CRB1: variants seen among roughly 807,000 people sequenced by gnomAD.
CRB1 encodes the protein protein crumbs homolog 1.
In CRB1, 83 loss-of-function variants were observed where a neutral mutation model predicts 120.0. That is an observed-to-expected ratio of 0.69 (90% CI 0.58 to 0.83). The LOEUF (loss-of-function observed/expected upper bound fraction) is 0.83, where lower values mean the gene tolerates loss of function less well. CRB1 is among the 40% of genes least tolerant of loss of function. The probability of loss-of-function intolerance (pLI) is 0.00; values close to 1 mark genes in which losing one functional copy is unlikely to be tolerated. For missense variants in CRB1, 1,699 were observed against 1,687.6 expected, an observed-to-expected ratio of 1.01 and a Z score of -0.12; for synonymous variants, 625 against 612.5, an observed-to-expected ratio of 1.02 and a Z score of -0.30.
intron 11 of CRB1, among the ~76,000 whole-genome samples, chr1:197,451,745 G>C (rs984324753): frequency 5.3e-5 from 8 of 152,152 alleles, no homozygotes; most frequent in African/African-American, 1.4e-4. Flanking sequence ...AATAGCAAGA[G>C]AGCAATTGGG....
At chr1:197,436,103 A>G (rs1665147326) in intron 9 of CRB1, among the ~76,000 whole-genome samples, 1 of 152,112 alleles carries the variant, frequency 6.6e-6, no homozygotes, top group Non-Finnish European at 1.5e-5. Flanking sequence ...TGTGCAGTTG[A>G]AAATCCACAT....
the CRB1 span, among the ~76,000 whole-genome samples, chr1:197,220,490 A>T: frequency 6.6e-6 from 1 of 152,246 alleles, no homozygotes; most frequent in African/African-American, 2.4e-5. Context: ...ATCCAAGGAG[A>T]TGGGAGCAGG....
At chr1:197,248,250 A>T in the CRB1 span, among the ~76,000 whole-genome samples, 1 of 152,032 alleles carries the variant, frequency 6.6e-6, no homozygotes, top group African/African-American at 2.4e-5. Flanking sequence ...ATTTACTGCT[A>T]ATTTGTTGTA....
chr1:197,472,450 A>C (rs1667023248), intron 11 of CRB1, among the ~76,000 whole-genome samples: 1 of 152,130 alleles, frequency 6.6e-6, no homozygotes, highest in South Asian at 2.1e-4. Context: ...CCCTCACTTT[A>C]AGTCAAAGCT....
At chr1:197,415,636 C>CTT (rs1314094285) in intron 5 of CRB1, among the ~76,000 whole-genome samples, 2 of 101,322 alleles carry the variant, frequency 2.0e-5, no homozygotes, top group Non-Finnish European at 1.9e-5. Flanking sequence ...TTTCTTTTTT[C>CTT]TTTTCTTTTT....
chr1:197,355,663 G>A (rs1421906174), intron 4 of CRB1, among the ~76,000 whole-genome samples: 2 of 152,176 alleles, frequency 1.3e-5, no homozygotes, highest in Non-Finnish European at 2.9e-5. Flanking sequence ...AATGCCGTGG[G>A]CAGCGGCGCC....
the CRB1 span, among the ~76,000 whole-genome samples, chr1:197,254,118 A>G: frequency 6.6e-6 from 1 of 152,032 alleles, no homozygotes; most frequent in African/African-American, 2.4e-5. Flanking sequence ...ACATTTATTT[A>G]TAGATATAAG....
chr1:197,428,835 TA>T (rs1664728023), intron 7 of CRB1: 1 of 821,934 alleles, frequency 1.2e-6, no homozygotes, highest in Non-Finnish European at 1.8e-6. Context: ...GTAACTAGCC[TA>T]AATCATATGT....
intron 11 of CRB1, among the ~76,000 whole-genome samples, chr1:197,445,967 A>G (rs922874161): frequency 1.6e-4 from 24 of 152,148 alleles, no homozygotes; most frequent in African/African-American, 5.8e-4. Flanking sequence ...AGGTGGGTGG[A>G]TGACCTGCAG....
Position 197,400,304 on chromosome 1 carries a change from CTT to C in CRB1, c.1172-20676_1172-20675del, listed in dbSNP as rs200472313. Among the ~76,000 whole-genome samples, 1,196 of 127,000 alleles carry C rather than the reference CTT, an allele frequency of 9.4e-3. 18 individuals carry two copies. Among genetic ancestry groups the C allele is most frequent in the African/African-American group, 0.026 (882 of 33,788 alleles). 83.3% of individuals were successfully genotyped at this position (127,000 alleles called of 152,430 possible). On this transcript the variant is annotated intron_variant, in intron 5 of 11. Transcript: ENST00000367400. ...GGGTCAGAGATTTTGAATGTAAGAG[CTT>C]TTTTTTTTTTTTTTTTTTTAAAACA...
chr1:197,297,918 C>T (rs1656630329), intron 1 of CRB1, among the ~76,000 whole-genome samples: 1 of 151,908 alleles, frequency 6.6e-6, no homozygotes, highest in East Asian at 1.9e-4. Context: ...TACTGGGGAC[C>T]CTGGCCAGTA....
Position 197,342,807 on chromosome 1 carries a change from C to T in CRB1, c.653-1474C>T, listed in dbSNP as rs925409478. Among the ~76,000 whole-genome samples the T allele has an allele frequency of 5.3e-5, 8 of 152,178 alleles. 1 individual carries two copies. Among genetic ancestry groups the T allele is most frequent in the African/African-American group, 1.9e-4 (8 of 41,440 alleles). ...ATAGTAATACCTACCATTGATGTAG[C>T]ATTTACTGTATCCAACCTCGTTGTT... On this transcript the variant is annotated intron_variant, in intron 2 of 11. Transcript: ENST00000367400.
chr1:197,360,890 A>G (rs896811065), intron 5 of CRB1, among the ~76,000 whole-genome samples: 2 of 152,336 alleles, frequency 1.3e-5, no homozygotes, highest in South Asian at 2.1e-4. Context: ...ACCATTAGCT[A>G]TGAATTTTTA....
the CRB1 span, among the ~76,000 whole-genome samples, chr1:197,259,760 C>T: frequency 6.6e-6 from 1 of 152,190 alleles, no homozygotes; most frequent in South Asian, 2.1e-4. Flanking sequence ...ATGCAATCCC[C>T]ATTATACTTG....
At chr1:197,273,787 A>G (rs570324241) in intron 1 of CRB1, among the ~76,000 whole-genome samples, 1 of 151,990 alleles carries the variant, frequency 6.6e-6, no homozygotes, top group East Asian at 1.9e-4. Flanking sequence ...TTAAAAAAGG[A>G]TTTTCTTCCT....
At chr1:197,232,304 A>G in the CRB1 span, among the ~76,000 whole-genome samples, 1 of 152,170 alleles carries the variant, frequency 6.6e-6, no homozygotes. Flanking sequence ...TGTGTGTGGT[A>G]ATTTGTTACA....
At chr1:197,405,012 G>A (rs1458173418) in intron 5 of CRB1, among the ~76,000 whole-genome samples, 1 of 152,110 alleles carries the variant, frequency 6.6e-6, no homozygotes, top group Non-Finnish European at 1.5e-5. Context: ...CTACGCAATA[G>A]CAGTAGCTAT....
intron 2 of CRB1, among the ~76,000 whole-genome samples, chr1:197,344,028 TGACTTATTTGTTTTCACG>T (rs1659621061): frequency 6.6e-6 from 1 of 152,334 alleles, no homozygotes; most frequent in South Asian, 2.1e-4. Context: ...GTTCTAAAAA[TGACTTATTTGTTTTCACG>T]GACTAAACAC....
chr1:197,303,525 ATTGT>A (rs1241468245), intron 1 of CRB1, among the ~76,000 whole-genome samples: 1 of 151,606 alleles, frequency 6.6e-6, no homozygotes, highest in Non-Finnish European at 1.5e-5. Context: ...AGCTTTTGAC[ATTGT>A]TTAATATTAT....
Sources: allele counts gnomAD v4.1 joint callset (sites outside exome capture counted in the v4.1 genomes callset), GRCh38; gene constraint gnomAD v4.1.1; transcripts MANE v1.5; gene names NCBI Gene and HGNC (gene_info 2026-07-23, HGNC 2026-07-21).